Variants in STAG1 observed in about 807,000 individuals in gnomAD.
The protein encoded by STAG1 is cohesin subunit SA-1.
Under a neutral mutation model 170.9 loss-of-function variants are expected in STAG1, and 26 were observed. The observed-to-expected ratio is 0.15, with a 90% CI of 0.11 to 0.21. The LOEUF (loss-of-function observed/expected upper bound fraction) is 0.21. Ranked by LOEUF, STAG1 falls within the 10% of genes least tolerant of loss-of-function variation. STAG1 has a pLI of 1.00. For missense variants in STAG1, 964 were observed against 1,509.5 expected (o/e 0.64, Z 5.99); for synonymous variants, 514 against 497.7 (o/e 1.03, Z -0.44).
At chr3:136,470,829 T>C (rs2107809977) in intron 12 of STAG1, among the ~76,000 whole-genome samples, 1 of 152,254 alleles carries the variant, frequency 6.6e-6, no homozygotes, top group Non-Finnish European at 1.5e-5. Flanking sequence ...TCATGTCCTT[T>C]GTAGGGACAT....
chr3:136,675,300 T>C (rs1942098574), intron 1 of STAG1, among the ~76,000 whole-genome samples: 1 of 152,176 alleles, frequency 6.6e-6, no homozygotes, highest in Admixed American at 6.5e-5. Flanking sequence ...CCCTGTCCTC[T>C]TGCTTCCAAT....
chr3:136,565,135 G>A (rs1261769693), intron 5 of STAG1, among the ~76,000 whole-genome samples: 2 of 148,408 alleles, frequency 1.3e-5, no homozygotes, highest in Non-Finnish European at 3.0e-5. Flanking sequence ...AAGAGAAAGG[G>A]AAGAGAAAGG....
intron 1 of STAG1, among the ~76,000 whole-genome samples, chr3:136,640,432 G>A (rs951568304): frequency 1.3e-5 from 2 of 149,666 alleles, no homozygotes; most frequent in East Asian, 2.0e-4. Flanking sequence ...GCAATGGCAC[G>A]ATCTCGGCTC....
chr3:136,384,697 G>A, intron 22 of STAG1, among the ~76,000 whole-genome samples: 1 of 151,974 alleles, frequency 6.6e-6, no homozygotes, highest in Admixed American at 6.6e-5. Flanking sequence ...GAGCCTGGGA[G>A]GCGGAGGTTG....
intron 14 of STAG1, among the ~76,000 whole-genome samples, chr3:136,448,726 G>A (rs2088854376): frequency 6.6e-6 from 1 of 152,114 alleles, no homozygotes. Context: ...ATCACCTGAG[G>A]TCAGGAGTTC....
At chr3:136,352,047 TA>T (rs914773472) in intron 28 of STAG1, among the ~76,000 whole-genome samples, 1 of 152,158 alleles carries the variant, frequency 6.6e-6, no homozygotes, top group African/African-American at 2.4e-5. Flanking sequence ...TCCAAGTAAC[TA>T]AACAAATAAA....
intron 7 of STAG1, among the ~76,000 whole-genome samples, chr3:136,510,683 C>T (rs1934022206): frequency 6.6e-6 from 1 of 151,798 alleles, no homozygotes; most frequent in South Asian, 2.1e-4. Context: ...GCGATCTCAG[C>T]TCACTGCAAC....
chr3:136,654,386 T>C (rs1033891209), intron 1 of STAG1, among the ~76,000 whole-genome samples: 3 of 152,188 alleles, frequency 2.0e-5, no homozygotes, highest in African/African-American at 7.2e-5. Flanking sequence ...ACTGTTCCAT[T>C]TATAACAGCA....
chr3:136,379,714 C>CA (rs1489781206), intron 22 of STAG1, among the ~76,000 whole-genome samples: 2 of 151,366 alleles, frequency 1.3e-5, no homozygotes, highest in African/African-American at 2.4e-5. Flanking sequence ...ATCTCAACAA[C>CA]AACAAAAAAG....
chr3:136,542,336 T>A (rs1935951897), intron 5 of STAG1, 141 bp from the exon 6 acceptor site: 1 of 655,422 alleles, frequency 1.5e-6, no homozygotes, highest in African/African-American at 1.8e-5. Flanking sequence ...ACATAAAATG[T>A]TGTTTGATCA....
At chr3:136,348,872 T>G in intron 29 of STAG1, 1 of 356,406 alleles carries the variant, frequency 2.8e-6, no homozygotes, top group Non-Finnish European at 5.1e-6. Context: ...TATATTTTAA[T>G]GTATTAGAGG....
intron 4 of STAG1, among the ~76,000 whole-genome samples, chr3:136,586,536 G>A (rs946562206): frequency 2.0e-5 from 3 of 152,206 alleles, no homozygotes; most frequent in Non-Finnish European, 4.4e-5. Flanking sequence ...AGGTGTAACT[G>A]AACAGAGGCT....
chr3:136,452,380 C>T (rs923978117), intron 13 of STAG1, among the ~76,000 whole-genome samples: 8 of 151,646 alleles, frequency 5.3e-5, no homozygotes, highest in African/African-American at 1.5e-4. Context: ...CTGGCTAACA[C>T]GGTGAAATCC....
At chr3:136,751,593 G>GCCACCCCGCTGCC (rs1235630011) in intron 1 of STAG1, among the ~76,000 whole-genome samples, 2 of 151,656 alleles carry the variant, frequency 1.3e-5, no homozygotes, top group Non-Finnish European at 2.9e-5. Flanking sequence ...TCCCCCAGCC[G>GCCACCCCGCTGCC]CCACCCCGCT....
At chr3:136,629,251 C>T (rs1265809831) in intron 2 of STAG1, among the ~76,000 whole-genome samples, 5 of 151,950 alleles carry the variant, frequency 3.3e-5, no homozygotes, top group Non-Finnish European at 7.4e-5. Context: ...GCAGGACATA[C>T]AAAAATAAGG....
intron 1 of STAG1, among the ~76,000 whole-genome samples, chr3:136,728,296 AT>A (rs1933803891): frequency 6.6e-6 from 1 of 152,364 alleles, no homozygotes; most frequent in East Asian, 1.9e-4. Flanking sequence ...TTAGTTAATA[AT>A]TAGAACAAAA....
At chr3:136,417,811 G>T (rs1273949186) in intron 21 of STAG1, 74 bp downstream of exon 21, 3 of 1,073,982 alleles carry the variant, frequency 2.8e-6, no homozygotes, top group Non-Finnish European at 2.9e-6. Flanking sequence ...TCTATAAAAG[G>T]CTTCTGATAA....
At chr3:136,521,466 G>A in intron 6 of STAG1, 49 bp from the exon 7 acceptor site, 1 of 1,546,054 alleles carries the variant, frequency 6.5e-7, no homozygotes, top group Non-Finnish European at 8.8e-7. Context: ...TACAGAGTTT[G>A]ATGAAAGCTT....
intron 4 of STAG1, among the ~76,000 whole-genome samples, chr3:136,595,349 T>C (rs761945636): frequency 1.3e-5 from 2 of 152,150 alleles, no homozygotes; most frequent in Non-Finnish European, 2.9e-5. Flanking sequence ...GATTACTTCC[T>C]CTTTCTCATC....
Sources: allele counts gnomAD v4.1 joint callset (sites outside exome capture counted in the v4.1 genomes callset), GRCh38; gene constraint gnomAD v4.1.1; transcripts MANE v1.5; gene names NCBI Gene and HGNC (gene_info 2026-07-23, HGNC 2026-07-21).